Variants in EPN2 observed in about 807,000 individuals in gnomAD.
EPN2 encodes the protein epsin 2.
In EPN2, 34 loss-of-function variants were observed where a neutral mutation model predicts 61.7. The observed-to-expected ratio is 0.55, with a 90% CI of 0.42 to 0.73. The LOEUF (loss-of-function observed/expected upper bound fraction) is 0.73, where lower values mean the gene tolerates loss of function less well. Ranked by LOEUF, EPN2 falls within the 30% of genes least tolerant of loss-of-function variation. EPN2 has a pLI of 0.00. For synonymous variants in EPN2, 349 were observed against 353.6 expected, an observed-to-expected ratio of 0.99 and a Z score of 0.15; for missense variants, 714 against 839.2, an observed-to-expected ratio of 0.85 and a Z score of 1.84.
chr17:19,255,560 G>GTT (rs56823339), intron 1 of EPN2, among the ~76,000 whole-genome samples: 23 of 92,180 alleles, frequency 2.5e-4, no homozygotes, highest in South Asian at 1.1e-3. Context: ...TCTGGGGAGA[G>GTT]TTTTTTTTTT....
chr17:19,259,441 T>A (rs553178662), intron 1 of EPN2, among the ~76,000 whole-genome samples: 20 of 151,420 alleles, frequency 1.3e-4, no homozygotes, highest in Non-Finnish European at 2.4e-4. Context: ...GCCTCCTGAG[T>A]AGCTGGCACT....
chr17:19,246,810 C>T (rs1358292786), intron 1 of EPN2, among the ~76,000 whole-genome samples: 4 of 144,510 alleles, frequency 2.8e-5, no homozygotes, highest in African/African-American at 1.1e-4. Context: ...GCTCTGTCAC[C>T]CAGGCTGGAG....
chr17:19,335,260 T>G lies in EPN2; in HGVS notation c.*1006T>G. 4 of 732,796 alleles carry G rather than the reference T, an allele frequency of 5.5e-6. No individual in the cohort carries two copies. The highest frequency in any genetic ancestry group is 8.4e-6 in the Non-Finnish European group (4 of 474,690). 45.4% of individuals were successfully genotyped at this position (732,796 alleles called of 1,614,324 possible). On this transcript the variant is annotated 3_prime_UTR_variant, in exon 11 of 11. Transcript: ENST00000314728. ...TCCTGTTTTTGGTGAATTACTAAAC[T>G]GATTGACTTTCAGCCTTTTTGGCTA...
chr17:19,267,212 T>G (rs1476425099), intron 1 of EPN2, among the ~76,000 whole-genome samples: 1 of 151,880 alleles, frequency 6.6e-6, no homozygotes, highest in African/African-American at 2.4e-5. Context: ...GATTTGTCAT[T>G]GCCAGGGGCT....
intron 1 of EPN2, among the ~76,000 whole-genome samples, chr17:19,238,678 C>T (rs2044846320): frequency 6.6e-6 from 1 of 152,218 alleles, no homozygotes; most frequent in Non-Finnish European, 1.5e-5. Flanking sequence ...TCTCCAGGCT[C>T]TGTTTACCAC....
intron 10 of EPN2, among the ~76,000 whole-genome samples, chr17:19,333,572 C>T (rs972684905): frequency 1.3e-5 from 2 of 152,136 alleles, no homozygotes; most frequent in Non-Finnish European, 2.9e-5. Context: ...GCCACATGAG[C>T]CACACACTGC....
chr17:19,252,841 C>T (rs2045029430), intron 1 of EPN2, among the ~76,000 whole-genome samples: 1 of 152,030 alleles, frequency 6.6e-6, no homozygotes, highest in Admixed American at 6.6e-5. Context: ...AGGTGCGTGT[C>T]ACCATCGCCG....
intron 9 of EPN2, chr17:19,330,514 G>A (rs1176678521): frequency 2.6e-5 from 4 of 152,270 alleles, no homozygotes; most frequent in Admixed American, 2.6e-4. Context: ...CTCAGTTCAA[G>A]AGCTCCCAGC....
At chr17:19,238,725 G>A (rs1026596457) in intron 1 of EPN2, among the ~76,000 whole-genome samples, 1 of 152,166 alleles carries the variant, frequency 6.6e-6, no homozygotes, top group African/African-American at 2.4e-5. Context: ...GAGATGTTCA[G>A]GACCCTACCT....
chr17:19,334,527 A>C lies in EPN2; in HGVS notation c.*273A>C, dbSNP rs1414457723. The C allele has an allele frequency of 3.2e-6, 1 of 314,950 alleles. No individual in the cohort carries two copies. The highest frequency in any genetic ancestry group is 5.0e-5 in the Admixed American group (1 of 19,896). The allele number at this position is 314,950 out of a possible 1,614,324, so 19.5% of individuals were successfully genotyped here. On this transcript the variant is annotated 3_prime_UTR_variant, in exon 11 of 11. Transcript: ENST00000314728. This position sits in a 1 kb window ranked among gnomAD's most constrained non-coding sequence, Gnocchi z 4.9. ...AGGCCTTGGACGAGGACGTGGAGTC[A>C]TCAGTGTTGCCCTTGCCCCTAACCT... is the stretch of plus-strand genomic sequence containing the variant.
At chr17:19,249,425 A>G (rs1366233672) in intron 1 of EPN2, 2 of 152,162 alleles carry the variant, frequency 1.3e-5, no homozygotes, top group Non-Finnish European at 2.9e-5. Flanking sequence ...CCTCTGGGTA[A>G]TGTCTATGTG....
chr17:19,272,444 G>C (rs1203648015), intron 1 of EPN2, among the ~76,000 whole-genome samples: 3 of 152,044 alleles, frequency 2.0e-5, no homozygotes, highest in Non-Finnish European at 2.9e-5. Context: ...CAGAAGCTTG[G>C]GTTTCTCATG....
chr17:19,305,207 C>T (rs1905776846), intron 4 of EPN2, among the ~76,000 whole-genome samples: 1 of 151,822 alleles, frequency 6.6e-6, no homozygotes, highest in South Asian at 2.1e-4. Context: ...CTGCAACCTC[C>T]ACCTGCTTAG....
chr17:19,300,742 G>T (rs1905457743), intron 4 of EPN2, among the ~76,000 whole-genome samples: 1 of 152,108 alleles, frequency 6.6e-6, no homozygotes, highest in Non-Finnish European at 1.5e-5. Context: ...TGTCAATCTT[G>T]GAGGCCTTCC....
chr17:19,326,716 C>T (rs1030181262), intron 7 of EPN2, among the ~76,000 whole-genome samples: 12 of 130,096 alleles, frequency 9.2e-5, no homozygotes, highest in Non-Finnish European at 1.5e-4. Context: ...AGTGCAAGGA[C>T]GGAAATAGGT....
chr17:19,270,641 A>G (rs1024878093), intron 1 of EPN2, among the ~76,000 whole-genome samples: 28 of 152,080 alleles, frequency 1.8e-4, no homozygotes, highest in African/African-American at 6.5e-4. Context: ...TGTTACCTCT[A>G]TTTGAGAGGT....
intron 7 of EPN2, among the ~76,000 whole-genome samples, chr17:19,327,539 G>T (rs1241534728): frequency 6.6e-6 from 1 of 152,146 alleles, no homozygotes; most frequent in East Asian, 1.9e-4. Context: ...GCCGGGCGTG[G>T]TGACATTCCT....
chr17:19,310,730 A>G (rs898252632), intron 5 of EPN2, among the ~76,000 whole-genome samples: 27 of 150,916 alleles, frequency 1.8e-4, no homozygotes, highest in Non-Finnish European at 7.4e-5. Context: ...GGCGCGTGCC[A>G]CCATGCCCGG....
chr17:19,295,364 A>ACGCGCGCGCGCGCGCGCGCG (rs374152445), intron 4 of EPN2, among the ~76,000 whole-genome samples: 3 of 81,764 alleles, frequency 3.7e-5, no homozygotes, highest in Non-Finnish European at 1.2e-4. Flanking sequence ...ACACACACAC[A>ACGCGCGCGCGCGCGCGCGCG]CACGCGCGTG....
Sources: allele counts gnomAD v4.1 joint callset (sites outside exome capture counted in the v4.1 genomes callset), GRCh38; gene constraint gnomAD v4.1.1; non-coding constraint Gnocchi (gnomAD v3.1); transcripts MANE v1.5; gene names NCBI Gene and HGNC (gene_info 2026-07-23, HGNC 2026-07-21).